CHL1: variants seen among roughly 807,000 people sequenced by gnomAD.
CHL1 encodes the protein neural cell adhesion molecule L1-like protein.
A neutral mutation model predicts 141.9 loss-of-function variants in CHL1; 96 were observed. The ratio of observed to expected loss-of-function variants is 0.68; its 90% CI spans 0.57 to 0.80. The LOEUF (loss-of-function observed/expected upper bound fraction) is 0.80, where lower values mean the gene tolerates loss of function less well. Ranked by LOEUF, CHL1 falls within the 30% of genes least tolerant of loss-of-function variation. The pLI is 0.00. For missense variants in CHL1, 1,820 were observed against 1,457.2 expected, an observed-to-expected ratio of 1.25 and a Z score of -4.05; for synonymous variants, 613 against 502.2, an observed-to-expected ratio of 1.22 and a Z score of -2.95.
At chr3:311,356 C>T (rs1255777921) in intron 2 of CHL1, among the ~76,000 whole-genome samples, 1 of 150,050 alleles carries the variant, frequency 6.7e-6, no homozygotes, top group Non-Finnish European at 1.5e-5. Flanking sequence ...AATTTATTGA[C>T]CACACAACTT....
chr3:238,245 A>G (rs331898), intron 1 of CHL1, among the ~76,000 whole-genome samples: 15,288 of 152,178 alleles, frequency 0.1, 1,109 homozygotes, highest in East Asian at 0.38. Flanking sequence ...CCTTTCGGGT[A>G]AATGTTAGCT....
At chr3:222,966 C>G (rs1231592567) in intron 1 of CHL1, among the ~76,000 whole-genome samples, 3 of 152,110 alleles carry the variant, frequency 2.0e-5, no homozygotes, top group Admixed American at 1.3e-4. Flanking sequence ...CTCAAAACAT[C>G]TTTTCAGATT....
chr3:197,235 A>G (rs905066006), intron 1 of CHL1, 172 bp downstream of exon 1: 1 of 152,270 alleles, frequency 6.6e-6, no homozygotes, highest in African/African-American at 2.4e-5. Flanking sequence ...CTCAGCCTGC[A>G]CCCGGGAGGA....
chr3:222,206 G>A (rs1265240208), intron 1 of CHL1, among the ~76,000 whole-genome samples: 1 of 152,094 alleles, frequency 6.6e-6, no homozygotes, highest in Non-Finnish European at 1.5e-5. Flanking sequence ...AAGTTTAGAA[G>A]TCCTAAAATC....
intron 10 of CHL1, among the ~76,000 whole-genome samples, chr3:351,479 T>G (rs2125208888): frequency 6.6e-6 from 1 of 152,298 alleles, no homozygotes; most frequent in East Asian, 1.9e-4. Context: ...AGGTAATAAA[T>G]AAAAACTTTG....
chr3:202,331 C>T (rs1266235021), intron 1 of CHL1, among the ~76,000 whole-genome samples: 1 of 152,026 alleles, frequency 6.6e-6, no homozygotes. Flanking sequence ...TGTGTGTATC[C>T]CTGTGTATGT....
At chr3:354,050 T>G (rs1345776381) in intron 10 of CHL1, among the ~76,000 whole-genome samples, 2 of 152,184 alleles carry the variant, frequency 1.3e-5, no homozygotes, top group Non-Finnish European at 2.9e-5. Flanking sequence ...TGCATTGTTT[T>G]GACTGCAGAA....
chr3:308,184 A>C (rs1424272219), intron 2 of CHL1, among the ~76,000 whole-genome samples: 1 of 152,240 alleles, frequency 6.6e-6, no homozygotes, highest in Non-Finnish European at 1.5e-5. Context: ...AAAGGAATTC[A>C]GAATTTTATC....
chr3:323,180 A>T (rs1232217376), intron 3 of CHL1, among the ~76,000 whole-genome samples: 1 of 152,014 alleles, frequency 6.6e-6, no homozygotes, highest in Admixed American at 6.6e-5. Context: ...CTGAAAGTGA[A>T]CCAAGTGAGC....
intron 5 of CHL1, among the ~76,000 whole-genome samples, chr3:337,946 C>A (rs1488642813): frequency 6.6e-6 from 1 of 151,928 alleles, no homozygotes; most frequent in Non-Finnish European, 1.5e-5. Flanking sequence ...AGGAATAACA[C>A]TGTCTTCCAC....
chr3:216,429 CA>C (rs1255941724), intron 1 of CHL1, among the ~76,000 whole-genome samples: 6 of 152,272 alleles, frequency 3.9e-5, no homozygotes, highest in African/African-American at 1.4e-4. Context: ...TTAAAATGAA[CA>C]TTTTCTTTCA....
intron 11 of CHL1, among the ~76,000 whole-genome samples, chr3:355,288 G>T (rs1703614212): frequency 6.6e-6 from 1 of 152,114 alleles, no homozygotes; most frequent in South Asian, 2.1e-4. Flanking sequence ...GTCTGAACAT[G>T]GTCCCATTAC....
At position 363,463 on chromosome 3, in the gene CHL1, C is replaced by A. The variant is rs76869578; in HGVS notation, c.1585+80C>A. On this transcript the variant is annotated intron_variant, in intron 14 of 27. Transcript: ENST00000256509. Reference sequence around the variant, plus strand: ...TTCATTTGCCCAAATGGAATAATACCATTTAAGTTGGAGTACCAGATAAAG... The same window carrying A: ...TTCATTTGCCCAAATGGAATAATACAATTTAAGTTGGAGTACCAGATAAAG... 743 of 1,280,508 alleles carry A rather than the reference C, an allele frequency of 5.8e-4. 5 individuals are homozygous for A. In the African/African-American group the frequency reaches 8.8e-3, roughly 15 times the overall value. The allele number at this position is 1,280,508 out of a possible 1,614,324, so 79.3% of individuals were successfully genotyped here. A position where few individuals can be genotyped will look rare whatever the true frequency, so the allele number is the denominator to read the frequency against.
At chr3:314,168 C>T (rs1433440332) in intron 2 of CHL1, among the ~76,000 whole-genome samples, 18 of 151,514 alleles carry the variant, frequency 1.2e-4, no homozygotes, top group Non-Finnish European at 1.5e-5. Flanking sequence ...AATCTCCTTA[C>T]TGCTGTTGAA....
chr3:269,516 A>G (rs1695450009), intron 2 of CHL1, among the ~76,000 whole-genome samples: 1 of 152,014 alleles, frequency 6.6e-6, no homozygotes, highest in Non-Finnish European at 1.5e-5. Flanking sequence ...TAGATAAAAA[A>G]GACTCTCTCT....
At chr3:372,990 A>T (rs1311471216) in intron 15 of CHL1, among the ~76,000 whole-genome samples, 1 of 152,062 alleles carries the variant, frequency 6.6e-6, no homozygotes, top group Non-Finnish European at 1.5e-5. Context: ...TTCTTGTGGG[A>T]TCTCAGACCT....
intron 2 of CHL1, among the ~76,000 whole-genome samples, chr3:269,000 G>C (rs545958952): frequency 9.2e-5 from 14 of 152,228 alleles, no homozygotes; most frequent in Admixed American, 9.2e-4. Context: ...CTCTCAAATT[G>C]GTAACTAGAG....
At chr3:312,908 G>C (rs151061932) in intron 2 of CHL1, among the ~76,000 whole-genome samples, 28 of 152,206 alleles carry the variant, frequency 1.8e-4, no homozygotes, top group African/African-American at 6.0e-4. Context: ...TCTTCCTGCT[G>C]GCTATAATAA....
Position 334,435 on chromosome 3 carries a change from C to A in CHL1, c.385+6081C>A, listed in dbSNP as rs779308518. On this transcript the variant is annotated intron_variant, in intron 5 of 27. Transcript: ENST00000256509. ...AAGATTTCTTGTGCCCATTTGCAGT[C>A]ACTCTCTGTTCCCATCTCCAGGCCT... Among the ~76,000 whole-genome samples, 12 of 152,226 alleles carry A rather than the reference C, an allele frequency of 7.9e-5. 1 individual carries two copies. The South Asian group carries it at 2.5e-3, about 32-fold the overall frequency.
Sources: allele counts gnomAD v4.1 joint callset (sites outside exome capture counted in the v4.1 genomes callset), GRCh38; gene constraint gnomAD v4.1.1; transcripts MANE v1.5; gene names NCBI Gene and HGNC (gene_info 2026-07-23, HGNC 2026-07-21).